SLAMF7: variants seen among roughly 807,000 people sequenced by gnomAD.
SLAMF7 encodes the protein SLAM family member 7.
SLAMF7 carries 26 observed loss-of-function variants against 34.1 expected under a neutral mutation model. That is an observed-to-expected ratio of 0.76 (90% CI 0.56 to 1.06). The LOEUF (loss-of-function observed/expected upper bound fraction) is 1.06. Ranked by LOEUF, SLAMF7 falls within the 50% of genes least tolerant of loss-of-function variation. The pLI is 0.00. For synonymous variants in SLAMF7, 171 were observed against 156.4 expected (o/e 1.09, Z -0.70); for missense variants, 399 against 402.5 (o/e 0.99, Z 0.07).
intron 1 of SLAMF7, among the ~76,000 whole-genome samples, chr1:160,742,916 A>G (rs1485948004): frequency 2.6e-5 from 4 of 152,196 alleles, no homozygotes; most frequent in Non-Finnish European, 4.4e-5. Context: ...GAGTGACACC[A>G]GGTGTTTGCT....
Position 160,749,900 on chromosome 1 carries a change from C to A in SLAMF7, c.456C>A (p.Cys152Ter), listed in dbSNP as rs1664419874. 1 of 1,614,076 alleles carries A rather than the reference C, an allele frequency of 6.2e-7. No individual in the cohort carries two copies. Among genetic ancestry groups the A allele is most frequent in the Non-Finnish European group, 8.5e-7 (1 of 1,179,936 alleles). The change falls in exon 3 of 7, where the codon TGC (cysteine) becomes TGA (stop). Residue 152 changes from cysteine to a stop codon, truncating the protein, a stop_gained. Coordinates refer to ENST00000368043, the MANE Select transcript of SLAMF7 (RefSeq NM_021181.5). LOFTEE classifies it high-confidence loss of function. ...NGTCVTNLTCCMEHGEEDVIY... is the reference protein window; with the variant it reads ...NGTCVTNLTC The stretch of plus-strand genomic sequence containing the variant: ...CCTGTGTGACCAATCTGACATGCTG[C>A]ATGGAACATGGGGAAGAGGATGTGA...
chr1:160,748,340 G>T lies in SLAMF7; in HGVS notation c.202G>T (p.Gly68Cys), dbSNP rs767672573. The change falls in exon 2 of 7, where the codon GGC (glycine) becomes TGC (cysteine). Residue 68 changes from glycine to cysteine, a missense_variant. Physicochemically the swap from Gly to Cys is radical, Grantham distance 159. Transcript: ENST00000368043. The part of the protein sequence containing the change: ...TPLVTIQPEG[G>C]TIIVTQNRNR... ...TCTTGTCACCATACAGCCAGAAGGG[G>T]GCACTATCATAGTGACCCAAAATCG... 2.5e-6 allele frequency: 4 copies of T among 1,614,030 alleles called. No individual in the cohort carries two copies. In the South Asian group the frequency reaches 3.3e-5, roughly 13 times the overall value.
chr1:160,750,235 T>C (rs1664458369), intron 3 of SLAMF7, 69 bp from the exon 4 acceptor site: 17 of 1,591,046 alleles, frequency 1.1e-5, no homozygotes, highest in Non-Finnish European at 1.3e-5. Context: ...TGGCAGGTGC[T>C]CCAAGACCTG....
At chr1:160,744,601 A>G (rs1033365976) in intron 1 of SLAMF7, among the ~76,000 whole-genome samples, 2 of 152,222 alleles carry the variant, frequency 1.3e-5, no homozygotes, top group African/African-American at 4.8e-5. Context: ...GCGTGAAAAG[A>G]GTAATTGCAT....
At chr1:160,752,133 G>A in intron 5 of SLAMF7, 53 bp from the exon 6 acceptor site, 2 of 1,429,084 alleles carry the variant, frequency 1.4e-6, no homozygotes. Flanking sequence ...CCTTGTCTAT[G>A]TGATTCAGGA....
At position 160,743,753 on chromosome 1, in the gene SLAMF7, ATCACGGC is replaced by A. The variant is rs998592222; in HGVS notation, c.55+4402_55+4408del. ...ATCCAGGGTGGAGTGCAGTGGCACGATCACGGCTCACTGCAGCCTCCACCTTCTGGGT... is the reference window on the plus strand; with the variant it reads ...ATCCAGGGTGGAGTGCAGTGGCACGATCACTGCAGCCTCCACCTTCTGGGT... On this transcript the variant is annotated intron_variant, in intron 1 of 6. Transcript: ENST00000368043. 5.3e-5 allele frequency among the ~76,000 whole-genome samples: 8 copies of A among 152,324 alleles called. No homozygotes were observed. In the South Asian group the frequency reaches 1.5e-3, roughly 28 times the overall value.
intron 4 of SLAMF7, 73 bp downstream of exon 4, chr1:160,750,496 A>G (rs61379600): frequency 6.5e-7 from 1 of 1,546,922 alleles, no homozygotes; most frequent in African/African-American, 1.4e-5. Context: ...AAGCACATAT[A>G]GAGCTGTGTG....
rs369994017 is a variant in SLAMF7 at position 160,749,814 on chromosome 1, C to T, written c.377-7C>T. The T allele has an allele frequency of 3.1e-5, 49 of 1,569,294 alleles. No homozygotes were observed. In the Middle Eastern group the frequency reaches 5.2e-4, roughly 17 times the overall value. On this transcript the variant is annotated splice_region_variant and splice_polypyrimidine_tract_variant and intron_variant, in intron 2 of 6. Coordinates refer to ENST00000368043, the MANE Select transcript of SLAMF7 (RefSeq NM_021181.5). Reference sequence around the variant, plus strand: ...GTTTCCACCTCTGGTTTTCCTTCCTCTCACAGAGCACCTGTCAAAGCCTAA... The same window carrying T: ...GTTTCCACCTCTGGTTTTCCTTCCTTTCACAGAGCACCTGTCAAAGCCTAA...
intron 1 of SLAMF7, among the ~76,000 whole-genome samples, chr1:160,746,806 G>A (rs987216107): frequency 2.0e-5 from 3 of 152,022 alleles, no homozygotes; most frequent in Non-Finnish European, 4.4e-5. Flanking sequence ...TAAGAGGGTG[G>A]GAAGAGGTGT....
At chr1:160,751,601 C>T in intron 5 of SLAMF7, 153 bp downstream of exon 5, 3 of 608,844 alleles carry the variant, frequency 4.9e-6, no homozygotes, top group Non-Finnish European at 8.7e-6. Flanking sequence ...TCCAAGTCTT[C>T]ATGGATTCTC....
intron 6 of SLAMF7, 148 bp from the exon 7 acceptor site, chr1:160,752,958 G>T: frequency 1.5e-6 from 1 of 660,360 alleles, no homozygotes; most frequent in South Asian, 1.7e-5. Flanking sequence ...AGCTAGGGGT[G>T]ATTAAAATCA....
Position 160,752,256 on chromosome 1 carries a change from G to A in SLAMF7, c.936+8G>A, listed in dbSNP as rs779600154. The A allele has an allele frequency of 6.2e-7, 1 of 1,609,450 alleles. No homozygotes were observed. Among genetic ancestry groups the A allele is most frequent in the Non-Finnish European group, 8.5e-7 (1 of 1,176,132 alleles). ...GTGGAAATACCGAAAAAGGTAAGAAGCTTTAGAGCTTAACTTCATCTTAAT... is the reference window on the plus strand; with the variant it reads ...GTGGAAATACCGAAAAAGGTAAGAAACTTTAGAGCTTAACTTCATCTTAAT... On this transcript the variant is annotated splice_region_variant and intron_variant, in intron 6 of 6. Transcript: ENST00000368043.
chr1:160,739,262 G>C lies in SLAMF7; in HGVS notation c.-40G>C. ...AGAGGTCTGAGTAATACCTAAGAGGGAAGTGGCTTCATTTCAGTGGCTGAC... is the reference window on the plus strand; with the variant it reads ...AGAGGTCTGAGTAATACCTAAGAGGCAAGTGGCTTCATTTCAGTGGCTGAC... On this transcript the variant is annotated 5_prime_UTR_variant, in exon 1 of 7. Coordinates refer to ENST00000368043, the MANE Select transcript of SLAMF7 (RefSeq NM_021181.5). The C allele has an allele frequency of 6.3e-7, 1 of 1,590,474 alleles. No individual in the cohort carries two copies. Among genetic ancestry groups the C allele is most frequent in the Non-Finnish European group, 8.6e-7 (1 of 1,158,544 alleles).
At chr1:160,753,018 A>G (rs1054144212) in intron 6 of SLAMF7, 88 bp from the exon 7 acceptor site, 7 of 1,290,276 alleles carry the variant, frequency 5.4e-6, no homozygotes, top group Non-Finnish European at 1.1e-6. Flanking sequence ...AACCTTGGAA[A>G]TAAAGTTTCC....
chr1:160,739,135 C>A, upstream of SLAMF7: 1 of 673,964 alleles, frequency 1.5e-6, no homozygotes, highest in Non-Finnish European at 2.7e-6. Context: ...TTGCTGGTGG[C>A]AAGGTAAAAT....
intron 1 of SLAMF7, among the ~76,000 whole-genome samples, chr1:160,740,316 C>A (rs1025030933): frequency 6.7e-6 from 1 of 149,632 alleles, no homozygotes; most frequent in African/African-American, 2.5e-5. Context: ...ACTCCCTGAA[C>A]GGAAATGATG....
chr1:160,744,058 T>C (rs17313034), intron 1 of SLAMF7, among the ~76,000 whole-genome samples: 35,717 of 152,106 alleles, frequency 0.23, 4,607 homozygotes, highest in Non-Finnish European at 0.31. Flanking sequence ...GTGCCAGAAT[T>C]ATGACTGTCT....
At chr1:160,748,141 T>C (rs1346487617) in intron 1 of SLAMF7, 53 bp from the exon 2 acceptor site, 2 of 1,566,744 alleles carry the variant, frequency 1.3e-6, no homozygotes, top group Non-Finnish European at 1.7e-6. Context: ...GGGTGAGTAA[T>C]TGGTGACAAG....
rs1314509893 is a variant in SLAMF7, at chr1:160,749,863, A to G, written c.419A>G (p.Asn140Ser). 1.9e-6 allele frequency: 3 copies of G among 1,613,002 alleles called. No homozygotes were observed. Among genetic ancestry groups the G allele is most frequent in the Admixed American group, 3.3e-5 (2 of 59,882 alleles). Residue 140 changes from asparagine to serine, a missense_variant, in exon 3 of 7, where the codon AAT becomes AGT. Coordinates refer to ENST00000368043, the MANE Select transcript of SLAMF7 (RefSeq NM_021181.5). ...AAAGTCACCATGGGTCTGCAGAGCA[A>G]TAAGAATGGCACCTGTGTGACCAAT... Reference protein sequence around the residue: ...KPKVTMGLQSNKNGTCVTNLT... With the variant: ...KPKVTMGLQSSKNGTCVTNLT...
Sources: gnomAD v4.1 joint callset for allele counts (sites outside exome capture counted in the v4.1 genomes callset) on GRCh38, gnomAD v4.1.1 for gene constraint, MANE v1.5 for transcripts, NCBI Gene and HGNC (gene_info 2026-07-23, HGNC 2026-07-21) for gene names.